The following TMEM117 variants were observed in gnomAD, a reference collection of about 807,000 sequenced individuals.
The protein encoded by TMEM117 is transmembrane protein 117.
Under a neutral mutation model 52.4 loss-of-function variants are expected in TMEM117, and 27 were observed. The ratio of observed to expected loss-of-function variants is 0.51; its 90% CI spans 0.38 to 0.71. TMEM117 has a LOEUF of 0.71. TMEM117 is among the 30% of genes least tolerant of loss of function. The pLI is 0.00. For synonymous variants in TMEM117, 215 were observed against 206.3 expected (o/e 1.04, Z -0.36); for missense variants, 556 against 630.5 (o/e 0.88, Z 1.26).
chr12:44,274,111 T>C (rs975850832), intron 5 of TMEM117, among the ~76,000 whole-genome samples: 3 of 152,172 alleles, frequency 2.0e-5, no homozygotes, highest in African/African-American at 7.2e-5. Flanking sequence ...TTCAGTAAAG[T>C]TGCAGGATAT....
intron 2 of TMEM117, among the ~76,000 whole-genome samples, chr12:43,865,751 A>G (rs1943584627): frequency 1.3e-5 from 2 of 151,872 alleles, no homozygotes; most frequent in African/African-American, 2.4e-5. Flanking sequence ...CATACCAAGT[A>G]TCAAATCAAG....
rs187879425 is a variant in TMEM117 at position 43,845,054 on chromosome 12, G to C, written c.277+126G>C. ...TTAGTTTGTCCTCCTGCCTTAAGTTGTTATGCATGGTTGTAACTGGGTTCT... is the reference window on the plus strand; with the variant it reads ...TTAGTTTGTCCTCCTGCCTTAAGTTCTTATGCATGGTTGTAACTGGGTTCT... On this transcript the variant is annotated intron_variant, in intron 2 of 7. Coordinates refer to ENST00000266534, the MANE Select transcript of TMEM117 (RefSeq NM_032256.3). The C allele has an allele frequency of 2.1e-5, 22 of 1,044,254 alleles. No homozygotes were observed. In the East Asian group the frequency reaches 5.6e-4, roughly 27 times the overall value. The allele number at this position is 1,044,254 out of a possible 1,614,324, so 64.7% of individuals were successfully genotyped here. A position where few individuals can be genotyped will look rare whatever the true frequency, so the allele number is the denominator to read the frequency against.
intron 4 of TMEM117, among the ~76,000 whole-genome samples, chr12:44,186,971 T>C (rs1351686311): frequency 2.6e-5 from 4 of 152,108 alleles, no homozygotes; most frequent in Non-Finnish European, 5.9e-5. Context: ...ACCCTATTCC[T>C]TGGGAGTCAT....
intron 6 of TMEM117, among the ~76,000 whole-genome samples, chr12:44,330,184 C>A (rs1951250251): frequency 6.6e-6 from 1 of 151,980 alleles, no homozygotes; most frequent in African/African-American, 2.4e-5. Flanking sequence ...TGGATTGTAG[C>A]CATCTTACTG....
intron 3 of TMEM117, among the ~76,000 whole-genome samples, chr12:44,063,399 G>T (rs1947169771): frequency 6.6e-6 from 1 of 151,792 alleles, no homozygotes; most frequent in African/African-American, 2.4e-5. Context: ...CAACACACTT[G>T]CCAGTTGAAA....
intron 3 of TMEM117, among the ~76,000 whole-genome samples, chr12:43,984,107 C>G (rs955598654): frequency 1.3e-5 from 2 of 152,094 alleles, no homozygotes; most frequent in East Asian, 1.9e-4. Flanking sequence ...GTGGCTCACA[C>G]CTGTAATCCC....
At chr12:44,078,811 C>A (rs994578944) in intron 3 of TMEM117, among the ~76,000 whole-genome samples, 1 of 151,940 alleles carries the variant, frequency 6.6e-6, no homozygotes, top group Admixed American at 6.6e-5. Context: ...CTGCAGCCAT[C>A]AACCCATCAC....
chr12:43,985,754 G>A (rs911725834), intron 3 of TMEM117, among the ~76,000 whole-genome samples: 1 of 152,160 alleles, frequency 6.6e-6, no homozygotes, highest in Non-Finnish European at 1.5e-5. Flanking sequence ...TCTGAAACAA[G>A]CTAGGATTAA....
intron 3 of TMEM117, among the ~76,000 whole-genome samples, chr12:44,023,345 TG>T (rs1027864202): frequency 1.0e-3 from 157 of 152,310 alleles, no homozygotes; most frequent in African/African-American, 3.7e-3. Context: ...TACCCAGTAA[TG>T]GGATGGCTGG....
At chr12:44,325,330 A>G (rs1190079818) in intron 6 of TMEM117, among the ~76,000 whole-genome samples, 2 of 152,170 alleles carry the variant, frequency 1.3e-5, no homozygotes, top group African/African-American at 4.8e-5. Flanking sequence ...GACATTGGCC[A>G]TTCATATTCT....
In TMEM117 at chr12:44,282,616, A is replaced by AAGC. The variant is rs1240445719; in HGVS notation, c.609-16962_609-16960dup. 2.0e-5 allele frequency among the ~76,000 whole-genome samples: 3 copies of AAGC among 152,234 alleles called. No homozygotes were observed. In the East Asian group the frequency reaches 5.8e-4, roughly 29 times the overall value. ...CTGCAGAAGAAATTTCTAAGCAGCAAAGCATTCAAGAGGTGACTTGTCATT... is the reference window on the plus strand; with the variant it reads ...CTGCAGAAGAAATTTCTAAGCAGCAAAGCAGCATTCAAGAGGTGACTTGTCATT... On this transcript the variant is annotated intron_variant, in intron 5 of 7. Coordinates refer to ENST00000266534, the MANE Select transcript of TMEM117 (RefSeq NM_032256.3).
chr12:44,194,703 C>T (rs1373408866), intron 4 of TMEM117, among the ~76,000 whole-genome samples: 1 of 151,882 alleles, frequency 6.6e-6, no homozygotes, highest in South Asian at 2.1e-4. Flanking sequence ...GCATGGCACA[C>T]ACCTGTAGTC....
At chr12:43,890,292 C>T (rs1330066870) in intron 2 of TMEM117, among the ~76,000 whole-genome samples, 1 of 152,064 alleles carries the variant, frequency 6.6e-6, no homozygotes, top group Non-Finnish European at 1.5e-5. Context: ...TTTGCAACTT[C>T]TGGGTTAGGT....
chr12:44,215,454 CT>C (rs1949703130), intron 5 of TMEM117, among the ~76,000 whole-genome samples: 1 of 150,792 alleles, frequency 6.6e-6, no homozygotes, highest in East Asian at 1.9e-4. Flanking sequence ...TTCCAAAGCC[CT>C]TTCCGTAGTC....
chr12:44,082,601 G>T (rs1372012047), intron 3 of TMEM117, among the ~76,000 whole-genome samples: 2 of 151,958 alleles, frequency 1.3e-5, no homozygotes, highest in Non-Finnish European at 2.9e-5. Flanking sequence ...AAGTAAGGGA[G>T]AAAAATTGGA....
chr12:43,840,472 G>A (rs536096148), intron 1 of TMEM117, among the ~76,000 whole-genome samples: 2 of 152,282 alleles, frequency 1.3e-5, no homozygotes, highest in South Asian at 2.1e-4. Context: ...TACTGGCCAC[G>A]TCATCAATGC....
At chr12:44,012,955 G>A (rs1276043821) in intron 3 of TMEM117, among the ~76,000 whole-genome samples, 1 of 151,950 alleles carries the variant, frequency 6.6e-6, no homozygotes, top group Admixed American at 6.6e-5. Flanking sequence ...GGTAGGGTGT[G>A]GGGGGAGGGG....
chr12:44,321,401 G>T (rs1951127475), intron 6 of TMEM117, among the ~76,000 whole-genome samples: 1 of 152,026 alleles, frequency 6.6e-6, no homozygotes, highest in Non-Finnish European at 1.5e-5. Context: ...AAAATCAGGG[G>T]GTATGATTGT....
chr12:44,286,664 A>G (rs1026548921), intron 5 of TMEM117, among the ~76,000 whole-genome samples: 5 of 152,210 alleles, frequency 3.3e-5, no homozygotes, highest in Non-Finnish European at 7.3e-5. Context: ...TATAAAACCC[A>G]GGAGTTAGAA....
Sources: gnomAD v4.1 joint callset for allele counts (sites outside exome capture counted in the v4.1 genomes callset) on GRCh38, gnomAD v4.1.1 for gene constraint, MANE v1.5 for transcripts, NCBI Gene and HGNC (gene_info 2026-07-23, HGNC 2026-07-21) for gene names.